The following PCDHGA12 variants were observed in gnomAD, a reference collection of about 807,000 sequenced individuals.
PCDHGA12 encodes the protein protocadherin gamma subfamily A, 12.
Under a neutral mutation model 61.1 loss-of-function variants are expected in PCDHGA12, and 43 were observed. The ratio of observed to expected loss-of-function variants is 0.70; its 90% CI spans 0.55 to 0.91. The LOEUF (loss-of-function observed/expected upper bound fraction) is 0.91. Among genes scored for constraint, PCDHGA12 ranks in the 40% least tolerant of loss-of-function variants. The probability of loss-of-function intolerance (pLI) is 0.00; values close to 1 mark genes in which losing one functional copy is unlikely to be tolerated. For synonymous variants in PCDHGA12, 520 were observed against 542.9 expected (o/e 0.96, Z 0.59); for missense variants, 1,236 against 1,227.7 (o/e 1.01, Z -0.10).
chr5:141,498,971 G>GGGAAGGAAGGAAGGAAGGAA (rs201769957), intron 2 of PCDHGA12, among the ~76,000 whole-genome samples: 36 of 111,052 alleles, frequency 3.2e-4, no homozygotes, highest in African/African-American at 9.0e-4. Context: ...GAGGGAGGGA[G>GGGAAGGAAGGAAGGAAGGAA]GGAAGGAAGG....
chr5:141,456,335 G>A (rs2098850730), intron 1 of PCDHGA12, among the ~76,000 whole-genome samples: 1 of 152,114 alleles, frequency 6.6e-6, no homozygotes. Flanking sequence ...TTGATCTAAG[G>A]GTCCTCGGAA....
chr5:141,440,077 C>T (rs983267885), intron 1 of PCDHGA12: 1 of 152,424 alleles, frequency 6.6e-6, no homozygotes, highest in Non-Finnish European at 1.5e-5. Flanking sequence ...AGGAATAATA[C>T]TTCATTCTAA....
rs746487145 is a variant in PCDHGA12 at position 141,505,415 on chromosome 5, G to A, written c.2506G>A (p.Gly836Ser). 7.4e-6 allele frequency: 12 copies of A among 1,614,074 alleles called. No individual in the cohort carries two copies. The East Asian group carries it at 1.3e-4, about 18-fold the overall frequency. Residue 836 changes from glycine to serine, a missense_variant, in exon 3 of 4, where the codon GGC (glycine) becomes AGC (serine). Gly to Ser is a moderately conservative substitution (Grantham distance 56, BLOSUM62 0). Coordinates refer to ENST00000252085, the MANE Select transcript of PCDHGA12 (RefSeq NM_003735.3). ...CAGCTCCCAAAATGGCGATGACACC[G>A]GCACCTGGCCCAACAACCAGTTTGA... ...TSGSQNGDDT[G>S]TWPNNQFDTE...
chr5:141,457,020 C>A (rs2098903789), intron 1 of PCDHGA12, among the ~76,000 whole-genome samples: 1 of 152,086 alleles, frequency 6.6e-6, no homozygotes, highest in Non-Finnish European at 1.5e-5. Flanking sequence ...AATAAAAAGT[C>A]CTAGTAGACT....
rs889945954 is a variant in PCDHGA12, at chr5:141,489,368, C to A, written c.2425-5439C>A. The A allele has an allele frequency of 2.5e-6, 4 of 1,613,384 alleles. No homozygotes were observed. Among genetic ancestry groups the A allele is most frequent in the Non-Finnish European group, 3.4e-6 (4 of 1,179,478 alleles). On this transcript the variant is annotated intron_variant, in intron 1 of 3. Coordinates refer to ENST00000252085, the MANE Select transcript of PCDHGA12 (RefSeq NM_003735.3). The surrounding 1 kb of genome is among the most constrained non-coding windows in gnomAD (Gnocchi z 4.5). ...GTGGTGGAGGAGTCTGAGCCGGGGA[C>A]GCTGGTGGGGAATGTTGCTCAGGAT...
rs1306500688 is a variant in PCDHGA12 at position 141,491,142 on chromosome 5, A to T, written c.2425-3665A>T. ...GTGAGGTGCGCACAGCCCGGGCCTTACTGGAGGATGACTCTGACACCCAGC... is the reference window on the plus strand; with the variant it reads ...GTGAGGTGCGCACAGCCCGGGCCTTTCTGGAGGATGACTCTGACACCCAGC... On this transcript the variant is annotated intron_variant, in intron 1 of 3. Coordinates refer to ENST00000252085, the MANE Select transcript of PCDHGA12 (RefSeq NM_003735.3). This position sits in a 1 kb window ranked among gnomAD's most constrained non-coding sequence, Gnocchi z 6.9. 6.2e-7 allele frequency: 1 copy of T among 1,614,090 alleles called. No homozygotes were observed. Among genetic ancestry groups the T allele is most frequent in the Non-Finnish European group, 8.5e-7 (1 of 1,179,976 alleles).
rs758266181 is a variant in PCDHGA12 at position 141,476,561 on chromosome 5, G to A, written c.2425-18246G>A. 1.9e-6 allele frequency: 3 copies of A among 1,614,100 alleles called. No homozygotes were observed. The highest frequency in any genetic ancestry group is 2.5e-6 in the Non-Finnish European group (3 of 1,180,050). Reference sequence around the variant, plus strand: ...GAAATTGGAGATTAGCGAGGCCGTGGCTCCGGGGACGCGCTTTCCGCTCGA... The same window carrying A: ...GAAATTGGAGATTAGCGAGGCCGTGACTCCGGGGACGCGCTTTCCGCTCGA... On this transcript the variant is annotated intron_variant, in intron 1 of 3. Coordinates refer to ENST00000252085, the MANE Select transcript of PCDHGA12 (RefSeq NM_003735.3). This position sits in a 1 kb window ranked among gnomAD's most constrained non-coding sequence, Gnocchi z 7.6.
chr5:141,471,730 G>A (rs535784858), intron 1 of PCDHGA12, among the ~76,000 whole-genome samples: 1 of 152,292 alleles, frequency 6.6e-6, no homozygotes, highest in East Asian at 1.9e-4. Context: ...GGTAAGGAAG[G>A]TTGGAGACAT....
intron 2 of PCDHGA12, among the ~76,000 whole-genome samples, chr5:141,496,334 G>T (rs959266723): frequency 2.6e-5 from 4 of 152,240 alleles, no homozygotes; most frequent in Admixed American, 6.5e-5. Context: ...GAAGTCAGGA[G>T]CCTGGAGGAG....
Position 141,432,938 on chromosome 5 carries a change from G to C in PCDHGA12, c.2179G>C (p.Ala727Pro). ...RRWHKSRLLQ[A>P]SGGGLTGAPA... ...CTGGCACAAGTCACGCCTGCTGCAG[G>C]CTTCAGGAGGCGGCTTGACAGGAGC... The change falls in exon 1 of 4, where the codon GCT becomes CCT. Residue 727 changes from alanine to proline, a missense_variant. Ala to Pro is a conservative substitution (Grantham distance 27). Transcript: ENST00000252085. The surrounding 1 kb of genome is among the most constrained non-coding windows in gnomAD (Gnocchi z 6.0). 2 of 1,614,192 alleles carry C rather than the reference G, an allele frequency of 1.2e-6. No homozygotes were observed. Among genetic ancestry groups the C allele is most frequent in the South Asian group, 2.2e-5 (2 of 91,086 alleles).
At chr5:141,474,871 A>G (rs894657981) in intron 1 of PCDHGA12, among the ~76,000 whole-genome samples, 5 of 152,236 alleles carry the variant, frequency 3.3e-5, no homozygotes, top group African/African-American at 1.2e-4. Context: ...ATAGGATAGG[A>G]GCAGGAACTC....
chr5:141,477,438 C>T lies in PCDHGA12; in HGVS notation c.2425-17369C>T, dbSNP rs1386997844. On this transcript the variant is annotated intron_variant, in intron 1 of 3. Transcript: ENST00000252085. This position sits in a 1 kb window ranked among gnomAD's most constrained non-coding sequence, Gnocchi z 4.9. ...GGAACCCCTTCCCTCTCAGCCCTTA[C>T]AATAGTGCGTGTTCAAGTGTCCGAC... 6.2e-7 allele frequency: 1 copy of T among 1,614,174 alleles called. No homozygotes were observed. The highest frequency in any genetic ancestry group is 8.5e-7 in the Non-Finnish European group (1 of 1,180,030).
At chr5:141,438,287 T>C (rs1183751436) in intron 1 of PCDHGA12, among the ~76,000 whole-genome samples, 1 of 152,054 alleles carries the variant, frequency 6.6e-6, no homozygotes, top group African/African-American at 2.4e-5. Context: ...TAATTTAATC[T>C]GTATGTAAAA....
intron 2 of PCDHGA12, among the ~76,000 whole-genome samples, chr5:141,498,971 G>GGGAAGGAA (rs201769957): frequency 0.022 from 2,449 of 111,032 alleles, 52 homozygotes; most frequent in African/African-American, 0.046. Flanking sequence ...GAGGGAGGGA[G>GGGAAGGAA]GGAAGGAAGG....
At chr5:141,482,673 G>A (rs1278135239) in intron 1 of PCDHGA12, among the ~76,000 whole-genome samples, 1 of 152,156 alleles carries the variant, frequency 6.6e-6, no homozygotes, top group Non-Finnish European at 1.5e-5. Context: ...TAAAGGTTGA[G>A]TAGTAGCTTG....
Position 141,476,477 on chromosome 5 carries a change from G to C in PCDHGA12, c.2425-18330G>C. ...GGAGAACCCGCTGGAGCTGTTCAGCGTGGAAGTGGTGATCCAGGACATCAA... is the reference window on the plus strand; with the variant it reads ...GGAGAACCCGCTGGAGCTGTTCAGCCTGGAAGTGGTGATCCAGGACATCAA... On this transcript the variant is annotated intron_variant, in intron 1 of 3. Coordinates refer to ENST00000252085, the MANE Select transcript of PCDHGA12 (RefSeq NM_003735.3). The surrounding 1 kb of genome is among the most constrained non-coding windows in gnomAD (Gnocchi z 7.6). The C allele has an allele frequency of 5.0e-6, 8 of 1,614,078 alleles. No homozygotes were observed. Among genetic ancestry groups the C allele is most frequent in the Non-Finnish European group, 6.8e-6 (8 of 1,180,018 alleles).
At chr5:141,478,174 GA>G (rs1156842877) in intron 1 of PCDHGA12, 1 of 1,613,574 alleles carries the variant, frequency 6.2e-7, no homozygotes, top group East Asian at 2.2e-5. Context: ...CCCGGGAGCA[GA>G]AAAAAAATCT....
At chr5:141,502,575 A>G (rs1314648955) in intron 2 of PCDHGA12, among the ~76,000 whole-genome samples, 2 of 152,208 alleles carry the variant, frequency 1.3e-5, no homozygotes, top group Admixed American at 1.3e-4. Context: ...CATTATAAAA[A>G]TATATTTTTA....
Position 141,476,387 on chromosome 5 carries a change from C to G in PCDHGA12, c.2425-18420C>G, listed in dbSNP as rs147660262. Reference sequence around the variant, plus strand: ...GACCGGAGAGATGTTTGTGAACGACCGTCTGGATCGAGAGGAGCTGTGTGG... The same window carrying G: ...GACCGGAGAGATGTTTGTGAACGACGGTCTGGATCGAGAGGAGCTGTGTGG... On this transcript the variant is annotated intron_variant, in intron 1 of 3. Coordinates refer to ENST00000252085, the MANE Select transcript of PCDHGA12 (RefSeq NM_003735.3). The surrounding 1 kb of genome is among the most constrained non-coding windows in gnomAD (Gnocchi z 7.6). 3.6e-4 allele frequency: 587 copies of G among 1,614,076 alleles called. No individual in the cohort carries two copies. The highest frequency in any genetic ancestry group is 4.7e-4 in the Non-Finnish European group (549 of 1,180,024).
Sources: allele counts gnomAD v4.1 joint callset (sites outside exome capture counted in the v4.1 genomes callset), GRCh38; gene constraint gnomAD v4.1.1; non-coding constraint Gnocchi (gnomAD v3.1); transcripts MANE v1.5; gene names NCBI Gene and HGNC (gene_info 2026-07-23, HGNC 2026-07-21).